Variants in RGS22 observed in about 807,000 individuals in gnomAD.
RGS22 encodes regulator of G-protein signaling 22.
RGS22 carries 148 observed loss-of-function variants against 172.9 expected under a neutral mutation model. The observed-to-expected ratio is 0.86, with a 90% CI of 0.75 to 0.98. The LOEUF is 0.98. RGS22 is among the 50% of genes least tolerant of loss of function. The probability of loss-of-function intolerance (pLI) is 0.00; values close to 1 mark genes in which losing one functional copy is unlikely to be tolerated. For synonymous variants in RGS22, 458 were observed against 480.2 expected, an observed-to-expected ratio of 0.95 and a Z score of 0.60; for missense variants, 1,347 against 1,440.8, an observed-to-expected ratio of 0.93 and a Z score of 1.05.
chr8:100,073,429 C>CA (rs10716433), intron 4 of RGS22, among the ~76,000 whole-genome samples: 285 of 142,518 alleles, frequency 2.0e-3, no homozygotes, highest in Non-Finnish European at 3.5e-3. Context: ...AAAAACAAAA[C>CA]AAAAAAAAAA....
intron 14 of RGS22, among the ~76,000 whole-genome samples, chr8:100,009,313 G>C (rs1816094364): frequency 6.6e-6 from 1 of 151,730 alleles, no homozygotes; most frequent in Admixed American, 6.6e-5. Flanking sequence ...AGCTACTTAG[G>C]AGGTTGAGGC....
chr8:100,087,288 C>T lies in RGS22; in HGVS notation c.117+6159G>A, dbSNP rs191801202. On this transcript the variant is annotated intron_variant, in intron 3 of 27. Transcript: ENST00000360863. ...TTCAGTTTGAGCCTCAAACCCAATC[C>T]TCCACAAGCTGTTACAGACTGCTCT... Among the ~76,000 whole-genome samples, 23 of 152,226 alleles carry T rather than the reference C, an allele frequency of 1.5e-4. No homozygotes were observed. The East Asian group carries it at 4.2e-3, about 28-fold the overall frequency.
chr8:100,055,537 G>A (rs760634513), intron 9 of RGS22, among the ~76,000 whole-genome samples: 1 of 152,166 alleles, frequency 6.6e-6, no homozygotes, highest in Non-Finnish European at 1.5e-5. Flanking sequence ...AGCCCAGGTA[G>A]TGAAGACTAC....
intron 2 of RGS22, among the ~76,000 whole-genome samples, chr8:100,102,477 A>T (rs1376862622): frequency 6.6e-6 from 1 of 151,790 alleles, no homozygotes; most frequent in African/African-American, 2.4e-5. Context: ...TTTGAAAAAC[A>T]GGGGTAAATA....
intron 16 of RGS22, 139 bp from the exon 17 acceptor site, chr8:100,004,237 T>A (rs74507968): frequency 3.0e-6 from 3 of 984,246 alleles, no homozygotes; most frequent in Non-Finnish European, 4.1e-6. Context: ...GTAAAGACTT[T>A]AGAATCTGGT....
At chr8:100,057,415 G>A (rs184128898) in intron 9 of RGS22, among the ~76,000 whole-genome samples, 1 of 152,138 alleles carries the variant, frequency 6.6e-6, no homozygotes, top group African/African-American at 2.4e-5. Context: ...TTAGATTTCT[G>A]GGAGGGGCCA....
At chr8:100,091,413 C>T (rs1812577935) in intron 3 of RGS22, among the ~76,000 whole-genome samples, 1 of 151,920 alleles carries the variant, frequency 6.6e-6, no homozygotes, top group African/African-American at 2.4e-5. Flanking sequence ...AGGTCTTGCT[C>T]AGGAGGGATA....
intron 17 of RGS22, 84 bp downstream of exon 17, chr8:100,003,842 C>A (rs1563601690): frequency 2.2e-5 from 26 of 1,197,570 alleles, no homozygotes; most frequent in Non-Finnish European, 2.9e-5. Context: ...GTTATAGCAC[C>A]AAATCACTTT....
At chr8:100,039,707 AT>A (rs911148172) in intron 13 of RGS22, among the ~76,000 whole-genome samples, 274 of 147,554 alleles carry the variant, frequency 1.9e-3, no homozygotes, top group Middle Eastern at 0.01. Flanking sequence ...AGTAAGACTG[AT>A]TTTTTTTTTT....
chr8:100,006,040 CTT>C lies in RGS22; in HGVS notation c.2429_2430del (p.Lys810ArgfsTer8), dbSNP rs748653969. 1 of 1,613,094 alleles carries C rather than the reference CTT, an allele frequency of 6.2e-7. No homozygotes were observed. The highest frequency in any genetic ancestry group is 8.5e-7 in the Non-Finnish European group (1 of 1,179,582). On this transcript the variant is annotated frameshift_variant, in exon 16 of 28. Coordinates refer to ENST00000360863, the MANE Select transcript of RGS22 (RefSeq NM_015668.5). LOFTEE classifies it high-confidence loss of function. ...ACCTCAGCTTTCTTGGAAAATGTCT[CTT>C]TATGCAAAGCCTGTAGCTTTCTGAA... ...TYFRKLQALH[K>X]ETFSKKAEDT...
chr8:100,047,568 G>A lies in RGS22; in HGVS notation c.1718C>T (p.Pro573Leu). Reference sequence around the variant, plus strand: ...TTCAGGTGATTTATTGGGAGATTTAGGAGGTTGTGATAAGCTGAATTCTTC... The same window carrying A: ...TTCAGGTGATTTATTGGGAGATTTAAGAGGTTGTGATAAGCTGAATTCTTC... ...QKEEFSLSQP[P>L]KSPNKSPEVK... is the part of the protein sequence containing the mutation. Residue 573 changes from proline (P) to leucine (L), a missense_variant, in exon 11 of 28, where the codon CCT becomes CTT. Coordinates refer to ENST00000360863, the MANE Select transcript of RGS22 (RefSeq NM_015668.5). The A allele has an allele frequency of 6.2e-7, 1 of 1,611,452 alleles. No homozygotes were observed. The highest frequency in any genetic ancestry group is 8.5e-7 in the Non-Finnish European group (1 of 1,179,148).
At chr8:99,981,435 C>A (rs16897836) in intron 22 of RGS22, among the ~76,000 whole-genome samples, 2,597 of 151,846 alleles carry the variant, frequency 0.017, 38 homozygotes, top group South Asian at 0.039. Flanking sequence ...AAGGAATTAC[C>A]AATAGTGGAA....
At chr8:100,008,825 C>T (rs1037129526) in intron 14 of RGS22, among the ~76,000 whole-genome samples, 7 of 152,186 alleles carry the variant, frequency 4.6e-5, no homozygotes, top group African/African-American at 1.7e-4. Flanking sequence ...TGAGGAAGCA[C>T]TAAATATTAT....
In RGS22 at chr8:100,008,327, G is replaced by A; in HGVS notation, c.2361+48C>T. The A allele has an allele frequency of 2.6e-6, 4 of 1,547,560 alleles. No homozygotes were observed. In the African/African-American group the frequency reaches 5.6e-5, roughly 21 times the overall value. ...TGCTGGGATAACAGGCGTCAGTATT[G>A]TAGTAAACCTGAATGGTTTCACACT... On this transcript the variant is annotated intron_variant, in intron 15 of 27. Coordinates refer to ENST00000360863, the MANE Select transcript of RGS22 (RefSeq NM_015668.5).
intron 14 of RGS22, among the ~76,000 whole-genome samples, chr8:100,037,744 G>T (rs1255574934): frequency 6.6e-6 from 1 of 152,120 alleles, no homozygotes; most frequent in East Asian, 1.9e-4. Flanking sequence ...AACAGACAGG[G>T]GCAATAGTTT....
chr8:100,093,825 TA>T (rs1427190794), intron 2 of RGS22, among the ~76,000 whole-genome samples: 1 of 152,122 alleles, frequency 6.6e-6, no homozygotes, highest in Non-Finnish European at 1.5e-5. Context: ...AAATACAAAA[TA>T]ATACCACCAC....
At chr8:100,023,895 G>A (rs1387025576) in intron 14 of RGS22, 1 of 152,420 alleles carries the variant, frequency 6.6e-6, no homozygotes. Flanking sequence ...AGGTTCCTTG[G>A]GTGAAGTGGG....
chr8:100,052,776 G>A, intron 10 of RGS22, 26 bp downstream of exon 10: 4 of 1,602,250 alleles, frequency 2.5e-6, no homozygotes, highest in Non-Finnish European at 3.4e-6. Context: ...ACTTAGTAGA[G>A]ATCACAGCAT....
intron 2 of RGS22, among the ~76,000 whole-genome samples, chr8:100,105,047 T>C (rs1586315640): frequency 6.6e-6 from 1 of 152,242 alleles, no homozygotes; most frequent in African/African-American, 2.4e-5. Flanking sequence ...AACCAGGAAA[T>C]GCACAGCCAC....
Sources: gnomAD v4.1 joint callset for allele counts (sites outside exome capture counted in the v4.1 genomes callset) on GRCh38, gnomAD v4.1.1 for gene constraint, MANE v1.5 for transcripts, NCBI Gene and HGNC (gene_info 2026-07-23, HGNC 2026-07-21) for gene names.